Variants in PSMB3 observed in about 807,000 individuals in gnomAD.
PSMB3 encodes the protein proteasome subunit beta type-3.
Under a neutral mutation model 23.3 loss-of-function variants are expected in PSMB3, and 5 were observed. The observed-to-expected ratio is 0.21, with a 90% CI of 0.11 to 0.45. The LOEUF (loss-of-function observed/expected upper bound fraction) is 0.45, where lower values mean the gene tolerates loss of function less well. Among genes scored for constraint, PSMB3 ranks in the 20% least tolerant of loss-of-function variants. PSMB3 has a pLI of 0.99. For synonymous variants in PSMB3, 85 were observed against 99.8 expected (o/e 0.85, Z 0.88); for missense variants, 192 against 277.9 (o/e 0.69, Z 2.20).
chr17:38,755,672 A>ATGTG lies in PSMB3; in HGVS notation c.189-210_189-209insGTGT, dbSNP rs1296883337. ...AAAAAAAAAAAAAATATATATATAT[A>ATGTG]TATATATATATGTGTGTGTGTGTGT... On this transcript the variant is annotated intron_variant, in intron 2 of 5. Transcript: ENST00000619426. Among the ~76,000 whole-genome samples the ATGTG allele has an allele frequency of 4.1e-3, 366 of 88,770 alleles. 3 individuals are homozygous for ATGTG. The highest frequency in any genetic ancestry group is 5.3e-3 in the Non-Finnish European group (222 of 41,862). The allele number at this position is 88,770 out of a possible 152,430, so 58.2% of individuals were successfully genotyped here.
At chr17:38,760,742 G>A in intron 4 of PSMB3, 134 bp downstream of exon 4, 1 of 1,063,724 alleles carries the variant, frequency 9.4e-7, no homozygotes, top group Non-Finnish European at 1.3e-6. Context: ...GCTGCTCCTT[G>A]GAAGGGTATC....
chr17:38,762,791 G>A (rs1403780163), intron 5 of PSMB3, among the ~76,000 whole-genome samples: 7 of 152,084 alleles, frequency 4.6e-5, no homozygotes, highest in Admixed American at 4.6e-4. Flanking sequence ...CCGTGTTGGG[G>A]TGAGCCACAA....
chr17:38,758,354 A>T (rs980631301), intron 3 of PSMB3, among the ~76,000 whole-genome samples: 9 of 151,446 alleles, frequency 5.9e-5, no homozygotes, highest in East Asian at 3.9e-4. Context: ...TATTATTATT[A>T]TTTTTTTGAG....
intron 3 of PSMB3, among the ~76,000 whole-genome samples, chr17:38,758,401 G>A (rs918568980): frequency 6.6e-6 from 1 of 151,762 alleles, no homozygotes; most frequent in Admixed American, 6.6e-5. Flanking sequence ...GTGCAGTGGT[G>A]CGATCATGGC....
In PSMB3 at chr17:38,752,886, T is replaced by A; in HGVS notation, c.3+57T>A. ...GGGAAGGATTGAGAAGCGGAGGGGG[T>A]CAGGAGAGGCTTGGGGACGAAAAGG... On this transcript the variant is annotated intron_variant, in intron 1 of 5. Transcript: ENST00000619426. The surrounding 1 kb of genome is among the most constrained non-coding windows in gnomAD (Gnocchi z 5.5). 2 of 1,607,816 alleles carry A rather than the reference T, an allele frequency of 1.2e-6. No homozygotes were observed. The highest frequency in any genetic ancestry group is 1.7e-6 in the Non-Finnish European group (2 of 1,176,058).
intron 2 of PSMB3, 23 bp from the exon 3 acceptor site, chr17:38,755,860 A>T (rs118122366): frequency 3.8e-6 from 5 of 1,322,984 alleles, no homozygotes; most frequent in South Asian, 1.6e-5. Context: ...ATGACTTACT[A>T]ACTCACTTTT....
chr17:38,762,522 A>G lies in PSMB3; in HGVS notation c.569+17A>G. On this transcript the variant is annotated intron_variant, in intron 5 of 5. Transcript: ENST00000619426. ...CCACATCATGTGAGTATGGGCTGGG[A>G]GAAGTCTAGAAGCTCTGCAGACACC... is the stretch of plus-strand genomic sequence containing the variant. The G allele has an allele frequency of 6.2e-7, 1 of 1,602,788 alleles. No individual in the cohort carries two copies. Among genetic ancestry groups the G allele is most frequent in the African/African-American group, 1.3e-5 (1 of 74,762 alleles).
chr17:38,759,837 G>A (rs767042726), intron 3 of PSMB3, among the ~76,000 whole-genome samples: 3 of 152,174 alleles, frequency 2.0e-5, no homozygotes, highest in East Asian at 1.9e-4. Context: ...GTGAGCCACC[G>A]CGCCTGGCCC....
chr17:38,758,358 T>C (rs1323602068), intron 3 of PSMB3, among the ~76,000 whole-genome samples: 3 of 152,056 alleles, frequency 2.0e-5, no homozygotes, highest in Non-Finnish European at 2.9e-5. Context: ...ATTATTATTT[T>C]TTTGAGAGTT....
chr17:38,760,672 AGT>A, intron 4 of PSMB3, 64 bp downstream of exon 4: 1 of 1,587,210 alleles, frequency 6.3e-7, no homozygotes, highest in Non-Finnish European at 8.6e-7. Flanking sequence ...TTAGGAAAAA[AGT>A]GTGTTTATGT....
Position 38,753,170 on chromosome 17 carries a change from A to G in PSMB3, c.24A>G (p.Gly8=). 1 of 1,614,094 alleles carries G rather than the reference A, an allele frequency of 6.2e-7. No individual in the cohort carries two copies. Among genetic ancestry groups the G allele is most frequent in the East Asian group, 2.2e-5 (1 of 44,880 alleles). MSIMSYN[G]GAVMAMKGKN... Reference sequence around the variant, plus strand: ...CCTAGTCTATTATGTCCTATAACGGAGGGGCCGTCATGGCCATGAAGGGGA... The same window carrying G: ...CCTAGTCTATTATGTCCTATAACGGGGGGGCCGTCATGGCCATGAAGGGGA... The change falls in exon 2 of 6, where the codon GGA becomes GGG. Residue 8 remains glycine, a synonymous_variant. Coordinates refer to ENST00000619426, the MANE Select transcript of PSMB3 (RefSeq NM_002795.4).
chr17:38,760,308 C>A, intron 3 of PSMB3, 123 bp from the exon 4 acceptor site: 1 of 1,061,568 alleles, frequency 9.4e-7, no homozygotes, highest in Non-Finnish European at 1.4e-6. Flanking sequence ...GGTGATCTTC[C>A]TAAACAGGTC....
At chr17:38,755,847 A>G in intron 2 of PSMB3, 36 bp from the exon 3 acceptor site, 2 of 1,555,442 alleles carry the variant, frequency 1.3e-6, no homozygotes, top group Non-Finnish European at 1.8e-6. Flanking sequence ...GGAATATTCA[A>G]TAATGACTTA....
chr17:38,759,944 C>G (rs981042715), intron 3 of PSMB3, among the ~76,000 whole-genome samples: 1 of 152,204 alleles, frequency 6.6e-6, no homozygotes, highest in Admixed American at 6.5e-5. Flanking sequence ...CTGAGTATCC[C>G]TCTTTGCCTT....
chr17:38,760,731 T>G, intron 4 of PSMB3, 123 bp downstream of exon 4: 1 of 1,145,880 alleles, frequency 8.7e-7, no homozygotes, highest in Non-Finnish European at 1.2e-6. Flanking sequence ...AAGCCACAGC[T>G]GCTGCTCCTT....
intron 3 of PSMB3, among the ~76,000 whole-genome samples, chr17:38,759,000 C>T (rs1241223947): frequency 6.6e-6 from 1 of 152,036 alleles, no homozygotes; most frequent in African/African-American, 2.4e-5. Context: ...GAGCCAAGAT[C>T]GCACCACTGC....
intron 3 of PSMB3, among the ~76,000 whole-genome samples, chr17:38,758,567 C>T (rs1218316684): frequency 6.6e-6 from 1 of 152,140 alleles, no homozygotes; most frequent in Non-Finnish European, 1.5e-5. Flanking sequence ...GTCTTGAATG[C>T]CTAGGCTCAA....
In PSMB3 at chr17:38,758,625, G is replaced by A. The variant is rs1171174013; in HGVS notation, c.297-1806G>A. Among the ~76,000 whole-genome samples, 5 of 152,158 alleles carry A rather than the reference G, an allele frequency of 3.3e-5. No homozygotes were observed. The East Asian group carries it at 7.7e-4, about 23-fold the overall frequency. ...CTCCCTAAGTGCTGAGATTACAAAC[G>A]TCAGCCATCATGCCTGGCCTAAAAA... On this transcript the variant is annotated intron_variant, in intron 3 of 5. Transcript: ENST00000619426.
In PSMB3 at chr17:38,757,179, C is replaced by T. The variant is rs565316343; in HGVS notation, c.296+1189C>T. The stretch of plus-strand genomic sequence containing the variant: ...TACAGGCATGAGCCACTGCGCCCTG[C>T]AAAAAGTCTTATAAAGTTGTAACAA... On this transcript the variant is annotated intron_variant, in intron 3 of 5. Transcript: ENST00000619426. Among the ~76,000 whole-genome samples, 10 of 150,764 alleles carry T rather than the reference C, an allele frequency of 6.6e-5. No individual in the cohort carries two copies. The South Asian group carries it at 1.3e-3, about 20-fold the overall frequency.
Sources: gnomAD v4.1 joint callset for allele counts (sites outside exome capture counted in the v4.1 genomes callset) on GRCh38, gnomAD v4.1.1 for gene constraint, Gnocchi (gnomAD v3.1) non-coding constraint, MANE v1.5 for transcripts, NCBI Gene and HGNC (gene_info 2026-07-23, HGNC 2026-07-21) for gene names.